Variants in ENOX1 observed in about 807,000 individuals in gnomAD.
The protein encoded by ENOX1 is candidate growth-related and time keeping constitutive hydroquinone (NADH) oxidase.
A neutral mutation model predicts 82.5 loss-of-function variants in ENOX1; 42 were observed. The ratio of observed to expected loss-of-function variants is 0.51; its 90% CI spans 0.40 to 0.66. ENOX1 has a LOEUF of 0.66. Among genes scored for constraint, ENOX1 ranks in the 30% least tolerant of loss-of-function variants. The pLI, the probability that ENOX1 is intolerant of heterozygous loss-of-function variation, is 0.00. For missense variants in ENOX1, 608 were observed against 811.6 expected, an observed-to-expected ratio of 0.75 and a Z score of 3.05; for synonymous variants, 271 against 282.2, an observed-to-expected ratio of 0.96 and a Z score of 0.40.
chr13:43,611,005 ATTTT>A (rs994873234), intron 2 of ENOX1, among the ~76,000 whole-genome samples: 1 of 152,154 alleles, frequency 6.6e-6, no homozygotes, highest in Non-Finnish European at 1.5e-5. Context: ...AATGCCAATA[ATTTT>A]TTGTTATTAT....
chr13:43,678,620 G>A (rs144724956), intron 1 of ENOX1, among the ~76,000 whole-genome samples: 2,153 of 152,296 alleles, frequency 0.014, 16 homozygotes, highest in Middle Eastern at 0.041. Context: ...CAATCTAGCT[G>A]TTTGTCAGCT....
chr13:43,433,867 A>T (rs959641716), intron 3 of ENOX1, among the ~76,000 whole-genome samples: 2 of 152,208 alleles, frequency 1.3e-5, no homozygotes, highest in African/African-American at 2.4e-5. Context: ...ATATATTTTC[A>T]TAGTAAGCTC....
chr13:43,664,178 AAG>A, intron 2 of ENOX1, among the ~76,000 whole-genome samples: 1 of 150,108 alleles, frequency 6.7e-6, no homozygotes, highest in East Asian at 2.1e-4. Flanking sequence ...AAAAAGACAT[AAG>A]AATCATTTTT....
intron 5 of ENOX1, among the ~76,000 whole-genome samples, chr13:43,370,259 C>T (rs531621864): frequency 2.2e-4 from 34 of 151,996 alleles, no homozygotes; most frequent in African/African-American, 7.7e-4. Flanking sequence ...CCCAGCTACT[C>T]GGGAGGCTGA....
chr13:43,440,743 A>G (rs944592596), intron 3 of ENOX1, among the ~76,000 whole-genome samples: 1 of 152,200 alleles, frequency 6.6e-6, no homozygotes, highest in African/African-American at 2.4e-5. Context: ...TATCCAGGTA[A>G]ATTTATACAT....
At chr13:43,630,324 C>A (rs2083148741) in intron 2 of ENOX1, among the ~76,000 whole-genome samples, 1 of 152,058 alleles carries the variant, frequency 6.6e-6, no homozygotes, top group South Asian at 2.1e-4. Context: ...TTGATTACAC[C>A]ACATCTTTAT....
intron 5 of ENOX1, among the ~76,000 whole-genome samples, chr13:43,411,401 A>G (rs1594413712): frequency 6.6e-6 from 1 of 152,136 alleles, no homozygotes; most frequent in East Asian, 1.9e-4. Flanking sequence ...TTGTATTAGG[A>G]TTTCACCACG....
chr13:43,447,158 C>T (rs1018868271), intron 3 of ENOX1, among the ~76,000 whole-genome samples: 3 of 152,140 alleles, frequency 2.0e-5, no homozygotes, highest in Non-Finnish European at 4.4e-5. Context: ...TAACACATTG[C>T]AAATGTTGAG....
intron 11 of ENOX1, among the ~76,000 whole-genome samples, chr13:43,310,683 C>T (rs563364908): frequency 6.6e-6 from 1 of 151,336 alleles, no homozygotes; most frequent in South Asian, 2.1e-4. Flanking sequence ...AGTCCAAGAA[C>T]CCAATGACTT....
intron 1 of ENOX1, among the ~76,000 whole-genome samples, chr13:43,733,117 C>A (rs545833943): frequency 6.6e-6 from 1 of 152,238 alleles, no homozygotes; most frequent in South Asian, 2.1e-4. Flanking sequence ...TACCTTCATA[C>A]CTGGATAACC....
intron 1 of ENOX1, among the ~76,000 whole-genome samples, chr13:43,721,594 G>A (rs1005582281): frequency 4.6e-5 from 7 of 151,890 alleles, no homozygotes; most frequent in Admixed American, 4.6e-4. Context: ...TAGCCGGGAT[G>A]GTCTCGATCT....
At chr13:43,508,467 C>A (rs546312276) in intron 2 of ENOX1, among the ~76,000 whole-genome samples, 1 of 152,012 alleles carries the variant, frequency 6.6e-6, no homozygotes, top group Admixed American at 6.6e-5. Context: ...TTTGTTACAG[C>A]AACACAGACT....
chr13:43,516,712 T>C (rs1245669060), intron 2 of ENOX1, among the ~76,000 whole-genome samples: 2 of 152,158 alleles, frequency 1.3e-5, no homozygotes, highest in African/African-American at 4.8e-5. Context: ...CTCAGTGGTG[T>C]AGTAAATCAA....
intron 1 of ENOX1, among the ~76,000 whole-genome samples, chr13:43,703,836 A>T (rs1342716371): frequency 6.6e-6 from 1 of 152,074 alleles, no homozygotes; most frequent in East Asian, 1.9e-4. Context: ...ATTTTAAAAA[A>T]TGACATATAT....
chr13:43,325,538 T>G (rs1474670824), intron 10 of ENOX1, among the ~76,000 whole-genome samples: 1 of 152,214 alleles, frequency 6.6e-6, no homozygotes, highest in South Asian at 2.1e-4. Flanking sequence ...AAACTCTATA[T>G]AAAATACTTA....
At chr13:43,722,166 A>T (rs2088624704) in intron 1 of ENOX1, among the ~76,000 whole-genome samples, 1 of 152,260 alleles carries the variant, frequency 6.6e-6, no homozygotes, top group Admixed American at 6.5e-5. Context: ...AAGGGTATTT[A>T]AAAAGACAAT....
At chr13:43,355,704 G>T (rs971855829) in intron 8 of ENOX1, among the ~76,000 whole-genome samples, 2 of 152,326 alleles carry the variant, frequency 1.3e-5, no homozygotes, top group African/African-American at 4.8e-5. Context: ...CCAGGCAGAA[G>T]ATGAAGCCCA....
At position 43,411,916 on chromosome 13, in the gene ENOX1, C is replaced by T. The variant is rs2054151807; in HGVS notation, c.208G>A (p.Asp70Asn). The change falls in exon 5 of 17, where the codon GAC (aspartate) becomes AAC (asparagine). Residue 70 changes from aspartate to asparagine, a missense_variant and splice_region_variant. Physicochemically the swap from Asp to Asn is conservative, Grantham distance 23 (BLOSUM62 1). Transcript: ENST00000690772. The part of the protein sequence containing the change: ...VGLPGQQLVS[D>N]SICVPGFDPS... ...TCTCTGAAACCAGGAGAAAGCTTAC[C>T]AGACACGAGCTGCTGTCCAGGCAAC... The T allele has an allele frequency of 6.2e-7, 1 of 1,614,018 alleles. No individual in the cohort carries two copies. The highest frequency in any genetic ancestry group is 1.7e-5 in the Admixed American group (1 of 60,002).
intron 8 of ENOX1, among the ~76,000 whole-genome samples, chr13:43,347,756 T>C (rs978603588): frequency 6.6e-6 from 1 of 152,190 alleles, no homozygotes; most frequent in Middle Eastern, 3.2e-3. Flanking sequence ...AAAAATCACA[T>C]CAAACATGCA....
Sources: gnomAD v4.1 joint callset for allele counts (sites outside exome capture counted in the v4.1 genomes callset) on GRCh38, gnomAD v4.1.1 for gene constraint, MANE v1.5 for transcripts, NCBI Gene and HGNC (gene_info 2026-07-23, HGNC 2026-07-21) for gene names.